Variants in WDR70 observed in about 807,000 individuals in gnomAD.
The protein encoded by WDR70 is WD repeat-containing protein 70.
In WDR70, 53 loss-of-function variants were observed where a neutral mutation model predicts 88.6. That is an observed-to-expected ratio of 0.60 (90% CI 0.48 to 0.75). WDR70 has a LOEUF of 0.75. Among genes scored for constraint, WDR70 ranks in the 30% least tolerant of loss-of-function variants. The pLI, the probability that WDR70 is intolerant of heterozygous loss-of-function variation, is 0.00. For missense variants in WDR70, 610 were observed against 823.2 expected (o/e 0.74, Z 3.17); for synonymous variants, 280 against 270.0 (o/e 1.04, Z -0.36).
chr5:37,538,569 C>T (rs1467416945), intron 9 of WDR70, among the ~76,000 whole-genome samples: 1 of 152,116 alleles, frequency 6.6e-6, no homozygotes, highest in African/African-American at 2.4e-5. Context: ...TTGTTCTGGC[C>T]TCATGTATAC....
intron 6 of WDR70, among the ~76,000 whole-genome samples, chr5:37,441,153 A>C (rs917504386): frequency 3.9e-5 from 6 of 152,324 alleles, no homozygotes; most frequent in Middle Eastern, 3.4e-3. Context: ...ACAGGAGGGA[A>C]GAAGGATAGC....
intron 8 of WDR70, among the ~76,000 whole-genome samples, chr5:37,485,252 G>A (rs557482700): frequency 3.9e-5 from 6 of 152,100 alleles, no homozygotes; most frequent in Non-Finnish European, 5.9e-5. Flanking sequence ...AAATACAGTC[G>A]ATCCTCCTTG....
intron 5 of WDR70, among the ~76,000 whole-genome samples, chr5:37,414,161 A>G (rs2111966062): frequency 6.6e-6 from 1 of 151,648 alleles, no homozygotes; most frequent in South Asian, 2.1e-4. Context: ...AAAAAAAAAA[A>G]AAGAAAATAT....
intron 3 of WDR70, among the ~76,000 whole-genome samples, chr5:37,382,194 G>A (rs573341959): frequency 6.6e-6 from 1 of 151,888 alleles, no homozygotes; most frequent in East Asian, 1.9e-4. Flanking sequence ...CACCTCCCCG[G>A]TTCAAGCGAT....
chr5:37,672,766 C>A lies in WDR70; in HGVS notation c.1093-24889C>A, dbSNP rs769022364. 3.3e-5 allele frequency among the ~76,000 whole-genome samples: 5 copies of A among 152,162 alleles called. No homozygotes were observed. The South Asian group carries it at 1.0e-3, about 32-fold the overall frequency. The stretch of plus-strand genomic sequence containing the variant: ...CGGTGCAGGTCCTCCATATGCTGAG[C>A]GCTGGTCTCCTGGGCCCACTGTTCT... On this transcript the variant is annotated intron_variant, in intron 10 of 17. Transcript: ENST00000265107.
At chr5:37,664,978 G>A (rs1348963903) in intron 10 of WDR70, among the ~76,000 whole-genome samples, 2 of 152,234 alleles carry the variant, frequency 1.3e-5, no homozygotes, top group Non-Finnish European at 2.9e-5. Context: ...TTTGTAGCTA[G>A]TGACTTAATA....
chr5:37,500,716 CTTTTTTTTTT>C (rs550821207), intron 8 of WDR70, among the ~76,000 whole-genome samples: 5 of 63,274 alleles, frequency 7.9e-5, no homozygotes, highest in African/African-American at 1.1e-4. Context: ...TATTTGTTGG[CTTTTTTTTTT>C]TTTTTTTTTT....
At chr5:37,652,315 A>G (rs1745432754) in intron 10 of WDR70, among the ~76,000 whole-genome samples, 1 of 152,224 alleles carries the variant, frequency 6.6e-6, no homozygotes, top group South Asian at 2.1e-4. Flanking sequence ...TTTTGGTACC[A>G]GCACCATGCT....
chr5:37,630,569 G>A (rs1253585090), intron 10 of WDR70, among the ~76,000 whole-genome samples: 5 of 152,186 alleles, frequency 3.3e-5, no homozygotes. Context: ...GCTAGCCCAA[G>A]GATGGATTTG....
chr5:37,500,945 G>T (rs1166995561), intron 8 of WDR70, among the ~76,000 whole-genome samples: 2 of 151,944 alleles, frequency 1.3e-5, no homozygotes, highest in African/African-American at 4.8e-5. Flanking sequence ...AACTATGTTG[G>T]CCAGGCTGGT....
At chr5:37,568,540 T>G (rs1486860651) in intron 9 of WDR70, among the ~76,000 whole-genome samples, 1 of 152,218 alleles carries the variant, frequency 6.6e-6, no homozygotes, top group African/African-American at 2.4e-5. Context: ...TAAAGTTATT[T>G]ATCAAGTGTA....
chr5:37,670,255 C>T (rs1326419683), intron 10 of WDR70, among the ~76,000 whole-genome samples: 1 of 152,140 alleles, frequency 6.6e-6, no homozygotes, highest in African/African-American at 2.4e-5. Flanking sequence ...TCTTGGACTA[C>T]TGCACGATGC....
chr5:37,557,025 A>G (rs1016568454), intron 9 of WDR70, among the ~76,000 whole-genome samples: 1 of 152,306 alleles, frequency 6.6e-6, no homozygotes, highest in East Asian at 1.9e-4. Context: ...CCTTTTAAAA[A>G]TGCAATTGTA....
intron 3 of WDR70, among the ~76,000 whole-genome samples, chr5:37,387,204 T>C (rs1748647611): frequency 6.6e-6 from 1 of 152,098 alleles, no homozygotes; most frequent in African/African-American, 2.4e-5. Context: ...TGAGTAACAT[T>C]GGATGGATTT....
At chr5:37,654,452 A>G (rs1467865180) in intron 10 of WDR70, among the ~76,000 whole-genome samples, 1 of 152,152 alleles carries the variant, frequency 6.6e-6, no homozygotes, top group East Asian at 1.9e-4. Flanking sequence ...GTAGATGTCT[A>G]TTAGGTCTGC....
intron 13 of WDR70, among the ~76,000 whole-genome samples, chr5:37,717,557 G>C (rs150125178): frequency 9.4e-4 from 143 of 152,308 alleles, no homozygotes; most frequent in African/African-American, 3.1e-3. Flanking sequence ...TGGGGTGGTT[G>C]GTTGATCGAG....
At chr5:37,440,309 TA>T (rs1561852971) in intron 6 of WDR70, among the ~76,000 whole-genome samples, 1 of 152,170 alleles carries the variant, frequency 6.6e-6, no homozygotes, top group Non-Finnish European at 1.5e-5. Flanking sequence ...ATATAAATGT[TA>T]AAACTGAAAA....
intron 8 of WDR70, among the ~76,000 whole-genome samples, chr5:37,512,597 T>TC (rs1740754385): frequency 1.3e-5 from 2 of 151,722 alleles, no homozygotes; most frequent in Admixed American, 6.6e-5. Flanking sequence ...TTTTTTTTTT[T>TC]TTGAGACAGG....
At chr5:37,516,884 G>A (rs546713662) in intron 9 of WDR70, among the ~76,000 whole-genome samples, 3 of 151,338 alleles carry the variant, frequency 2.0e-5, no homozygotes, top group Non-Finnish European at 4.4e-5. Context: ...CACCACACCC[G>A]GCTAATTTTT....
Sources: gnomAD v4.1 joint callset for allele counts (sites outside exome capture counted in the v4.1 genomes callset) on GRCh38, gnomAD v4.1.1 for gene constraint, MANE v1.5 for transcripts, NCBI Gene and HGNC (gene_info 2026-07-23, HGNC 2026-07-21) for gene names.